Variants in NEGR1 observed in about 807,000 individuals in gnomAD.
The protein encoded by NEGR1 is IgLON family member 4.
Under a neutral mutation model 40.9 loss-of-function variants are expected in NEGR1, and 10 were observed. That is an observed-to-expected ratio of 0.24 (90% CI 0.15 to 0.42). NEGR1 has a LOEUF of 0.42. Ranked by LOEUF, NEGR1 falls within the 10% of genes least tolerant of loss-of-function variation. NEGR1 has a pLI of 1.00. For missense variants in NEGR1, 352 were observed against 438.9 expected, an observed-to-expected ratio of 0.80 and a Z score of 1.77; for synonymous variants, 185 against 166.8, an observed-to-expected ratio of 1.11 and a Z score of -0.84.
intron 6 of NEGR1, among the ~76,000 whole-genome samples, chr1:71,559,708 T>C (rs1486440102): frequency 1.3e-5 from 2 of 151,478 alleles, no homozygotes; most frequent in African/African-American, 4.8e-5. Flanking sequence ...GCCTGCCAGG[T>C]TGGACTGTGG....
At chr1:71,672,960 G>A (rs973715238) in intron 4 of NEGR1, among the ~76,000 whole-genome samples, 3 of 152,174 alleles carry the variant, frequency 2.0e-5, no homozygotes, top group African/African-American at 7.2e-5. Flanking sequence ...CCATGGCCGG[G>A]TGCGGTGGCT....
At chr1:72,165,397 T>C (rs1309752221) in intron 1 of NEGR1, among the ~76,000 whole-genome samples, 1 of 152,044 alleles carries the variant, frequency 6.6e-6, no homozygotes, top group Non-Finnish European at 1.5e-5. Context: ...AAAGAGGATA[T>C]GCACAAGTTG....
chr1:71,533,695 T>C (rs1043941673), intron 6 of NEGR1, among the ~76,000 whole-genome samples: 3 of 151,672 alleles, frequency 2.0e-5, no homozygotes, highest in African/African-American at 4.8e-5. Context: ...AAACAATGTA[T>C]ATAGTTGTAT....
At chr1:71,736,288 A>C (rs1236195068) in intron 3 of NEGR1, among the ~76,000 whole-genome samples, 1 of 152,062 alleles carries the variant, frequency 6.6e-6, no homozygotes, top group Non-Finnish European at 1.5e-5. Flanking sequence ...TTTATGTCTA[A>C]AATGTGGTCT....
chr1:72,030,485 T>C (rs150269862), intron 1 of NEGR1, among the ~76,000 whole-genome samples: 80 of 152,300 alleles, frequency 5.3e-4, no homozygotes, highest in Non-Finnish European at 9.0e-4. Context: ...GTACCTGGTA[T>C]GTAAGAGCCT....
chr1:71,448,621 A>G (rs2101324677), intron 6 of NEGR1, among the ~76,000 whole-genome samples: 2 of 152,126 alleles, frequency 1.3e-5, no homozygotes, highest in Middle Eastern at 6.8e-3. Context: ...AATGTCGCTG[A>G]GAGAGATTAG....
At chr1:71,547,639 C>A (rs2101465075) in intron 6 of NEGR1, among the ~76,000 whole-genome samples, 1 of 151,708 alleles carries the variant, frequency 6.6e-6, no homozygotes, top group African/African-American at 2.4e-5. Context: ...CAGTGTGGCC[C>A]CAGACAGAAG....
intron 6 of NEGR1, among the ~76,000 whole-genome samples, chr1:71,443,330 A>G (rs1246747727): frequency 2.0e-5 from 3 of 152,188 alleles, no homozygotes; most frequent in African/African-American, 4.8e-5. Flanking sequence ...CTTCCGCCTC[A>G]TAACTGTCGT....
chr1:72,194,609 CTG>C (rs1184149456), intron 1 of NEGR1, among the ~76,000 whole-genome samples: 1 of 151,976 alleles, frequency 6.6e-6, no homozygotes, highest in African/African-American at 2.4e-5. Context: ...ACAGTAAACA[CTG>C]TTTTCCACAG....
At chr1:71,723,294 G>A (rs1321486922) in intron 3 of NEGR1, among the ~76,000 whole-genome samples, 1 of 152,062 alleles carries the variant, frequency 6.6e-6, no homozygotes, top group African/African-American at 2.4e-5. Flanking sequence ...GGAATTTCCT[G>A]AGTGATAATA....
chr1:71,464,416 G>GAT (rs1162608795), intron 6 of NEGR1, among the ~76,000 whole-genome samples: 1 of 8,202 alleles, frequency 1.2e-4, no homozygotes, highest in African/African-American at 1.3e-4. Flanking sequence ...TCCATCAAAT[G>GAT]ACAGTTATGA....
intron 1 of NEGR1, among the ~76,000 whole-genome samples, chr1:72,019,181 T>C (rs931821745): frequency 2.0e-5 from 3 of 152,056 alleles, no homozygotes; most frequent in Non-Finnish European, 4.4e-5. Flanking sequence ...TAAATAGGAG[T>C]TACATGCTTA....
At chr1:71,794,904 C>T (rs1214996225) in intron 2 of NEGR1, among the ~76,000 whole-genome samples, 1 of 151,790 alleles carries the variant, frequency 6.6e-6, no homozygotes, top group Non-Finnish European at 1.5e-5. Context: ...TAAAAAAGGT[C>T]TACTAATAGA....
intron 1 of NEGR1, among the ~76,000 whole-genome samples, chr1:72,266,705 A>G (rs921895757): frequency 6.7e-5 from 9 of 134,238 alleles, no homozygotes; most frequent in South Asian, 2.3e-4. Context: ...GTGTGTGTGT[A>G]TATATATATA....
intron 3 of NEGR1, among the ~76,000 whole-genome samples, chr1:71,707,148 A>T (rs775981533): frequency 3.9e-5 from 6 of 152,084 alleles, no homozygotes; most frequent in Non-Finnish European, 8.8e-5. Context: ...TTTGTTTTGC[A>T]CTTTGGGTCC....
intron 1 of NEGR1, among the ~76,000 whole-genome samples, chr1:71,954,474 A>G (rs992163484): frequency 6.6e-6 from 1 of 151,980 alleles, no homozygotes; most frequent in East Asian, 1.9e-4. Flanking sequence ...TATATATACT[A>G]TGGAATTTAA....
At chr1:71,447,932 A>T (rs558021950) in intron 6 of NEGR1, among the ~76,000 whole-genome samples, 2 of 152,348 alleles carry the variant, frequency 1.3e-5, no homozygotes, top group African/African-American at 4.8e-5. Context: ...AAAAACTAAA[A>T]GAAAAAGAAT....
chr1:71,512,740 C>A (rs1286105933), intron 6 of NEGR1, among the ~76,000 whole-genome samples: 1 of 152,044 alleles, frequency 6.6e-6, no homozygotes, highest in Admixed American at 6.6e-5. Context: ...CACCACCACG[C>A]CTGGCTACGT....
chr1:71,623,285 CAACACTACAGAT>C (rs1235741108), intron 4 of NEGR1, among the ~76,000 whole-genome samples: 3 of 151,744 alleles, frequency 2.0e-5, no homozygotes, highest in Non-Finnish European at 4.4e-5. Context: ...TGACATTTTC[CAACACTACAGAT>C]ATAGATTCCC....
Sources: allele counts gnomAD v4.1 joint callset (sites outside exome capture counted in the v4.1 genomes callset), GRCh38; gene constraint gnomAD v4.1.1; transcripts MANE v1.5; gene names NCBI Gene and HGNC (gene_info 2026-07-23, HGNC 2026-07-21).